The following FANCM variants were observed in gnomAD, a reference collection of about 807,000 sequenced individuals.
The protein encoded by FANCM is Fanconi anemia group M protein.
A neutral mutation model predicts 199.5 loss-of-function variants in FANCM; 140 were observed. That is an observed-to-expected ratio of 0.70 (90% CI 0.61 to 0.81). The LOEUF (loss-of-function observed/expected upper bound fraction) is 0.81, where lower values mean the gene tolerates loss of function less well. Among genes scored for constraint, FANCM ranks in the 30% least tolerant of loss-of-function variants. The probability of loss-of-function intolerance (pLI) is 0.00; values close to 1 mark genes in which losing one functional copy is unlikely to be tolerated. For synonymous variants in FANCM, 840 were observed against 836.8 expected, an observed-to-expected ratio of 1.00 and a Z score of -0.07; for missense variants, 2,410 against 2,421.4, an observed-to-expected ratio of 1.00 and a Z score of 0.10.
At chr14:45,148,210 C>CACACAT (rs1485641869) in intron 3 of FANCM, among the ~76,000 whole-genome samples, 4 of 151,376 alleles carry the variant, frequency 2.6e-5, no homozygotes, top group African/African-American at 9.7e-5. Context: ...AACACACACA[C>CACACAT]ACACACACAC....
intron 20 of FANCM, among the ~76,000 whole-genome samples, chr14:45,191,161 A>G (rs2139304138): frequency 6.6e-6 from 1 of 152,282 alleles, no homozygotes; most frequent in Non-Finnish European, 1.5e-5. Context: ...CTACACATCC[A>G]GTGGGACATT....
Position 45,176,568 on chromosome 14 carries a change from G to A in FANCM, c.3814G>A (p.Ala1272Thr). ...RYLEIKEISD[A>T]NYVSNQALIP... is the part of the protein sequence containing the mutation. ...TTTGGAAATTAAGGAGATAAGTGAT[G>A]CAAATTATGTTTCGAATCAAGCACT... The change falls in exon 14 of 23, where the codon GCA (alanine) becomes ACA (threonine). Residue 1272 changes from alanine to threonine, a missense_variant. Coordinates refer to ENST00000267430, the MANE Select transcript of FANCM (RefSeq NM_020937.4). 1 of 1,604,230 alleles carries A rather than the reference G, an allele frequency of 6.2e-7. No individual in the cohort carries two copies. Among genetic ancestry groups the A allele is most frequent in the South Asian group, 1.1e-5 (1 of 89,754 alleles).
chr14:45,196,959 G>A (rs1318259328), intron 21 of FANCM, among the ~76,000 whole-genome samples: 1 of 152,158 alleles, frequency 6.6e-6, no homozygotes, highest in Non-Finnish European at 1.5e-5. Context: ...ACTGTTTATT[G>A]CAATTATGAA....
intron 5 of FANCM, among the ~76,000 whole-genome samples, chr14:45,152,311 C>T (rs1416828666): frequency 6.6e-6 from 1 of 152,058 alleles, no homozygotes; most frequent in African/African-American, 2.4e-5. Context: ...CCAAAGATTA[C>T]AGATGTGAGC....
intron 4 of FANCM, among the ~76,000 whole-genome samples, chr14:45,149,462 C>T (rs1429160059): frequency 6.6e-6 from 1 of 152,140 alleles, no homozygotes; most frequent in African/African-American, 2.4e-5. Context: ...CTTCCACCTC[C>T]CTGGTTCAAG....
intron 9 of FANCM, 115 bp from the exon 10 acceptor site, chr14:45,164,244 G>A: frequency 1.1e-6 from 1 of 871,078 alleles, no homozygotes. Context: ...GGCCAGCCTT[G>A]AGGCTGATTT....
chr14:45,185,330 T>A lies in FANCM; in HGVS notation c.4629T>A (p.Leu1543=), dbSNP rs186837702. The change falls in exon 18 of 23, where the codon CTT becomes CTA. Residue 1543 remains leucine, a synonymous_variant. Coordinates refer to ENST00000267430, the MANE Select transcript of FANCM (RefSeq NM_020937.4). Reference sequence around the variant, plus strand: ...AAAATGAACAAGATTCCTCATTACTTGACTTTTTAAATGATGAAACTCAAC... The same window carrying A: ...AAAATGAACAAGATTCCTCATTACTAGACTTTTTAAATGATGAAACTCAAC... ...ESENEQDSSL[L]DFLNDETQLS... 10 of 1,593,934 alleles carry A rather than the reference T, an allele frequency of 6.3e-6. No individual in the cohort carries two copies. The African/African-American group carries it at 1.3e-4, about 21-fold the overall frequency.
chr14:45,170,720 T>C lies in FANCM; in HGVS notation c.2134T>C (p.Ser712Pro). The C allele has an allele frequency of 6.2e-7, 1 of 1,612,092 alleles. No homozygotes were observed. Among genetic ancestry groups the C allele is most frequent in the Non-Finnish European group, 8.5e-7 (1 of 1,178,378 alleles). ...AACATTGCCTCAAGTTCAGTTTTCT[T>C]CTTTACAAAATGAGGAAAACAAACC... is the stretch of plus-strand genomic sequence containing the variant. ...EITLPQVQFS[S>P]LQNEENKPAQ... is the part of the protein sequence containing the mutation. Residue 712 changes from serine to proline, a missense_variant, in exon 12 of 23, where the codon TCT becomes CCT. Ser to Pro is a moderately conservative substitution (Grantham distance 74). Transcript: ENST00000267430.
In FANCM at chr14:45,175,750, C is replaced by A. The variant is rs148304968; in HGVS notation, c.2996C>A (p.Pro999Gln). ...NVERFLSYSP[P>Q]PLSGLSDLEY... ...GAGAGATTTTTATCTTATTCTCCTCCGCCTCTCAGTGGACTCTCAGACTTG... is the reference window on the plus strand; with the variant it reads ...GAGAGATTTTTATCTTATTCTCCTCAGCCTCTCAGTGGACTCTCAGACTTG... Residue 999 changes from proline to glutamine, a missense_variant, in exon 14 of 23, where the codon CCG becomes CAG. By Grantham distance (76) the Pro-to-Gln change is moderately conservative (BLOSUM62 -1). Transcript: ENST00000267430. The A allele has an allele frequency of 2.5e-6, 4 of 1,613,628 alleles. No homozygotes were observed. Among genetic ancestry groups the A allele is most frequent in the Non-Finnish European group, 3.4e-6 (4 of 1,179,778 alleles).
At position 45,192,395 on chromosome 14, in the gene FANCM, A is replaced by C. The variant is rs181593635; in HGVS notation, c.5340+3033A>C. The stretch of plus-strand genomic sequence containing the variant: ...AGTGGCTTACGCCTATAATCCCAGC[A>C]CTTTGGGAGGCCGAGGCAGGTGGAT... On this transcript the variant is annotated intron_variant, in intron 20 of 22. Transcript: ENST00000267430. Among the ~76,000 whole-genome samples, 95 of 152,352 alleles carry C rather than the reference A, an allele frequency of 6.2e-4. 1 individual carries two copies. Among genetic ancestry groups the C allele is most frequent in the Middle Eastern group, 3.4e-3 (1 of 294 alleles).
intron 9 of FANCM, 53 bp downstream of exon 9, chr14:45,159,333 C>T: frequency 1.4e-6 from 2 of 1,380,996 alleles, no homozygotes; most frequent in Non-Finnish European, 1.0e-6. Flanking sequence ...TAGCTTTGCA[C>T]TTGTTCTTTT....
chr14:45,181,694 C>G lies in FANCM; in HGVS notation c.4375C>G (p.Pro1459Ala), dbSNP rs1429932349. The stretch of plus-strand genomic sequence containing the variant: ...TCATGCTGTCAAAAAGCGCAGATTT[C>G]CTATAAACAGAGTAAGTAAATACCA... Reference protein sequence around the residue: ...PLHAVKKRRFPINRSELSSSD... With the variant: ...PLHAVKKRRFAINRSELSSSD... Residue 1459 changes from proline to alanine, a missense_variant, in exon 16 of 23, where the codon CCT becomes GCT. Physicochemically the swap from Pro to Ala is conservative, Grantham distance 27 (BLOSUM62 -1). Transcript: ENST00000267430. The G allele has an allele frequency of 5.6e-6, 9 of 1,606,138 alleles. No individual in the cohort carries two copies. Among genetic ancestry groups the G allele is most frequent in the Non-Finnish European group, 7.7e-6 (9 of 1,173,654 alleles).
At chr14:45,166,140 A>C (rs1167232615) in intron 10 of FANCM, among the ~76,000 whole-genome samples, 3 of 151,654 alleles carry the variant, frequency 2.0e-5, no homozygotes, top group Non-Finnish European at 4.4e-5. Flanking sequence ...TTAAAAAAAA[A>C]AAAACAAAAA....
chr14:45,160,180 G>A (rs1382901506), intron 9 of FANCM, among the ~76,000 whole-genome samples: 2 of 151,224 alleles, frequency 1.3e-5, no homozygotes, highest in African/African-American at 4.9e-5. Context: ...TTTTAGTAGA[G>A]ATGGGGTTTC....
chr14:45,196,024 A>G, intron 20 of FANCM, 148 bp from the exon 21 acceptor site: 2 of 801,428 alleles, frequency 2.5e-6, no homozygotes, highest in South Asian at 1.4e-5. Flanking sequence ...GTAGTGACTT[A>G]TGTGTTCCTT....
chr14:45,162,629 A>G (rs1328362610), intron 9 of FANCM, among the ~76,000 whole-genome samples: 1 of 152,192 alleles, frequency 6.6e-6, no homozygotes, highest in East Asian at 1.9e-4. Flanking sequence ...CAGTTCATGG[A>G]GCACACTTTC....
intron 3 of FANCM, among the ~76,000 whole-genome samples, chr14:45,144,311 C>G (rs1041536389): frequency 2.0e-5 from 3 of 150,564 alleles, no homozygotes; most frequent in African/African-American, 5.0e-5. Flanking sequence ...GTGTCCCCTC[C>G]ACCCCCCTCG....
Position 45,136,630 on chromosome 14 carries a change from C to T in FANCM, c.508+91C>T, listed in dbSNP as rs1019856946. 2.6e-5 allele frequency: 32 copies of T among 1,250,370 alleles called. 1 individual carries two copies. The South Asian group carries it at 3.5e-4, about 14-fold the overall frequency. 77.5% of individuals were successfully genotyped at this position (1,250,370 alleles called of 1,614,324 possible). On this transcript the variant is annotated intron_variant, in intron 1 of 22. Transcript: ENST00000267430. Reference sequence around the variant, plus strand: ...CAAGCTACAACATGTGCATCTTACGCCCTCCCTCTTAAAACATTCTCTACT... The same window carrying T: ...CAAGCTACAACATGTGCATCTTACGTCCTCCCTCTTAAAACATTCTCTACT...
chr14:45,153,772 C>A, intron 5 of FANCM, 148 bp from the exon 6 acceptor site: 1 of 681,332 alleles, frequency 1.5e-6, no homozygotes, highest in South Asian at 1.7e-5. Context: ...AATAACCAAT[C>A]GGTTATAGCA....
Sources: allele counts gnomAD v4.1 joint callset (sites outside exome capture counted in the v4.1 genomes callset), GRCh38; gene constraint gnomAD v4.1.1; transcripts MANE v1.5; gene names NCBI Gene and HGNC (gene_info 2026-07-23, HGNC 2026-07-21).